The following SLMAP variants were observed in gnomAD, a reference collection of about 807,000 sequenced individuals.
SLMAP encodes sarcolemmal membrane-associated protein.
SLMAP carries 44 observed loss-of-function variants against 128.8 expected under a neutral mutation model. The ratio of observed to expected loss-of-function variants is 0.34; its 90% confidence interval spans 0.27 to 0.44. SLMAP has a LOEUF of 0.44. Among genes scored for constraint, SLMAP ranks in the 20% least tolerant of loss-of-function variants. SLMAP has a pLI of 1.00. For missense variants in SLMAP, 787 were observed against 985.3 expected, an observed-to-expected ratio of 0.80 and a Z score of 2.69; for synonymous variants, 327 against 348.8, an observed-to-expected ratio of 0.94 and a Z score of 0.70.
At chr3:57,832,103 A>C (rs2093375886) in intron 3 of SLMAP, among the ~76,000 whole-genome samples, 1 of 152,178 alleles carries the variant, frequency 6.6e-6, no homozygotes. Flanking sequence ...CTTTTGCAGA[A>C]TCCTCCCAGC....
At chr3:57,819,668 A>G (rs1464908587) in intron 2 of SLMAP, among the ~76,000 whole-genome samples, 2 of 152,058 alleles carry the variant, frequency 1.3e-5, no homozygotes, top group Admixed American at 1.3e-4. Context: ...AAACCTAGTG[A>G]CCTTGTTCTT....
intron 2 of SLMAP, among the ~76,000 whole-genome samples, chr3:57,825,805 G>C (rs976701609): frequency 2.6e-5 from 4 of 152,160 alleles, no homozygotes; most frequent in Non-Finnish European, 4.4e-5. Context: ...ATGTCTCCAA[G>C]ACTTATTTTG....
chr3:57,793,262 C>A (rs745453329), intron 2 of SLMAP, among the ~76,000 whole-genome samples: 3 of 152,146 alleles, frequency 2.0e-5, no homozygotes, highest in Non-Finnish European at 4.4e-5. Flanking sequence ...GAGGTTAATT[C>A]TTTTCTTCCC....
chr3:57,926,142 C>T, intron 24 of SLMAP: 1 of 556,212 alleles, frequency 1.8e-6, no homozygotes, highest in Non-Finnish European at 3.2e-6. Context: ...TGTAGTAATG[C>T]TAACCATGAG....
At chr3:57,855,968 A>G (rs968986681) in intron 6 of SLMAP, among the ~76,000 whole-genome samples, 19 of 151,974 alleles carry the variant, frequency 1.3e-4, no homozygotes, top group Admixed American at 2.0e-4. Flanking sequence ...GCTTGAACCC[A>G]AGAGGCGGAG....
At chr3:57,839,792 C>T (rs2093834099) in intron 3 of SLMAP, among the ~76,000 whole-genome samples, 1 of 152,160 alleles carries the variant, frequency 6.6e-6, no homozygotes, top group Non-Finnish European at 1.5e-5. Context: ...CTCCTGACCT[C>T]AGGTGATCTG....
chr3:57,759,131 A>G (rs577993179), intron 2 of SLMAP, among the ~76,000 whole-genome samples: 2 of 152,340 alleles, frequency 1.3e-5, no homozygotes, highest in South Asian at 2.1e-4. Flanking sequence ...CATAATATCT[A>G]TACTTTACGT....
intron 6 of SLMAP, among the ~76,000 whole-genome samples, chr3:57,854,467 G>A (rs998506779): frequency 1.3e-5 from 2 of 152,038 alleles, no homozygotes; most frequent in Non-Finnish European, 2.9e-5. Flanking sequence ...GCATGGTGGT[G>A]TGCACCTGTA....
intron 15 of SLMAP, among the ~76,000 whole-genome samples, chr3:57,892,773 T>A (rs2096116922): frequency 6.7e-6 from 1 of 149,630 alleles, no homozygotes. Flanking sequence ...AACAAGACAC[T>A]GTCTCTTAAA....
rs1348554687 is a variant in SLMAP, at chr3:57,929,755, T to C, written c.*2466T>C. On this transcript the variant is annotated 3_prime_UTR_variant, in exon 25 of 25. Transcript: ENST00000671191. ...ATTGGCATCTTGGTTCTACCTTTTA[T>C]CAGATGTTGTTGCCTTGTGCAAATC... Among the ~76,000 whole-genome samples, 4 of 152,240 alleles carry C rather than the reference T, an allele frequency of 2.6e-5. No individual in the cohort carries two copies. The highest frequency in any genetic ancestry group is 9.6e-5 in the African/African-American group (4 of 41,468).
chr3:57,772,616 T>A (rs1264274430), intron 2 of SLMAP, among the ~76,000 whole-genome samples: 1 of 152,206 alleles, frequency 6.6e-6, no homozygotes, highest in Non-Finnish European at 1.5e-5. Context: ...TGCCACCAGA[T>A]AAATCTACCA....
intron 19 of SLMAP, 98 bp downstream of exon 19, chr3:57,909,248 A>T: frequency 1.2e-6 from 1 of 831,704 alleles, no homozygotes; most frequent in South Asian, 1.7e-5. Context: ...CATGCCTGCA[A>T]TCCCAGCATT....
chr3:57,758,224 C>G (rs988045599), intron 2 of SLMAP, among the ~76,000 whole-genome samples: 1 of 152,162 alleles, frequency 6.6e-6, no homozygotes, highest in African/African-American at 2.4e-5. Context: ...TCGGGGAATC[C>G]GTGGCCATTA....
At chr3:57,798,725 A>G (rs1396961164) in intron 2 of SLMAP, among the ~76,000 whole-genome samples, 1 of 152,206 alleles carries the variant, frequency 6.6e-6, no homozygotes, top group Non-Finnish European at 1.5e-5. Flanking sequence ...TAAGAGATAA[A>G]TCTGAAAATC....
intron 2 of SLMAP, among the ~76,000 whole-genome samples, chr3:57,781,837 A>G (rs1467054081): frequency 1.3e-5 from 2 of 148,930 alleles, no homozygotes; most frequent in African/African-American, 2.5e-5. Context: ...GGTTCAAGCA[A>G]TTCTCCTTCC....
chr3:57,758,505 G>T (rs2078010245), intron 2 of SLMAP, among the ~76,000 whole-genome samples: 1 of 152,090 alleles, frequency 6.6e-6, no homozygotes. Context: ...ACTTTTTGAT[G>T]TTCCCTGCAG....
intron 14 of SLMAP, among the ~76,000 whole-genome samples, chr3:57,877,192 C>A (rs1238235816): frequency 1.3e-5 from 2 of 152,110 alleles, no homozygotes; most frequent in Admixed American, 6.6e-5. Flanking sequence ...CTGCCTCCCA[C>A]CCCCATAACT....
chr3:57,767,215 G>A (rs35499798), intron 2 of SLMAP, among the ~76,000 whole-genome samples: 2 of 152,062 alleles, frequency 1.3e-5, no homozygotes, highest in African/African-American at 4.8e-5. Context: ...CACTGCACCC[G>A]GCCTGTATAT....
chr3:57,841,053 A>G (rs777923811), intron 3 of SLMAP, among the ~76,000 whole-genome samples: 2 of 152,302 alleles, frequency 1.3e-5, no homozygotes, highest in Non-Finnish European at 2.9e-5. Flanking sequence ...TTTATTGACT[A>G]TTATTACAGA....
Sources: allele counts gnomAD v4.1 joint callset (sites outside exome capture counted in the v4.1 genomes callset), GRCh38; gene constraint gnomAD v4.1.1; transcripts MANE v1.5; gene names NCBI Gene and HGNC (gene_info 2026-07-23, HGNC 2026-07-21).